The following UNC13B variants were observed in gnomAD, a reference collection of about 807,000 sequenced individuals.
UNC13B encodes unc-13 homolog B, also known as protein unc-13 homolog B.
UNC13B carries 144 observed loss-of-function variants against 211.0 expected under a neutral mutation model. The observed-to-expected ratio is 0.68, with a 90% CI of 0.60 to 0.78. UNC13B has a LOEUF of 0.78. UNC13B is among the 30% of genes least tolerant of loss of function. The pLI, the probability that UNC13B is intolerant of heterozygous loss-of-function variation, is 0.00. For synonymous variants in UNC13B, 709 were observed against 725.8 expected (o/e 0.98, Z 0.37); for missense variants, 1,777 against 2,002.0 (o/e 0.89, Z 2.14).
chr9:35,333,244 ATGAG>A (rs942366678), intron 11 of UNC13B, among the ~76,000 whole-genome samples: 5 of 152,182 alleles, frequency 3.3e-5, no homozygotes, highest in African/African-American at 1.2e-4. Context: ...CTCTTTGCAG[ATGAG>A]TGAGTGAGTG....
intron 26 of UNC13B, 43 bp downstream of exon 26, chr9:35,390,757 C>T (rs1454733176): frequency 1.3e-6 from 2 of 1,568,762 alleles, no homozygotes; most frequent in African/African-American, 2.7e-5. Flanking sequence ...GCTCCTAGCC[C>T]AAGCTCCTCG....
At position 35,307,217 on chromosome 9, in the gene UNC13B, C is replaced by T. The variant is rs117346386; in HGVS notation, c.7813C>T (p.Arg2605Cys). The T allele has an allele frequency of 2.4e-4, 96 of 398,888 alleles. No homozygotes were observed. Among genetic ancestry groups the T allele is most frequent in the Non-Finnish European group, 3.1e-4 (70 of 226,046 alleles). 24.7% of individuals were successfully genotyped at this position (398,888 alleles called of 1,614,324 possible). A position where few individuals can be genotyped will look rare whatever the true frequency, so the allele number is the denominator to read the frequency against. The change falls in exon 9 of 40, where the codon CGT becomes TGT. Residue 2605 changes from arginine (R) to cysteine (C), a missense_variant. Transcript: ENST00000635942. Reference protein sequence around the residue: ...NTPENILEPQRSETINTSSFS... With the variant: ...NTPENILEPQCSETINTSSFS... ...TCCTGAAAATATTCTGGAACCTCAA[C>T]GTTCTGAAACAATTAATACATCTTC...
chr9:35,274,362 C>T (rs1288943319), intron 7 of UNC13B, among the ~76,000 whole-genome samples: 1 of 152,160 alleles, frequency 6.6e-6, no homozygotes, highest in Non-Finnish European at 1.5e-5. Context: ...TGTGAGCCAC[C>T]ACACCCAGTC....
intron 6 of UNC13B, among the ~76,000 whole-genome samples, chr9:35,257,090 C>G (rs1158945592): frequency 6.6e-6 from 1 of 151,720 alleles, no homozygotes; most frequent in Non-Finnish European, 1.5e-5. Flanking sequence ...CTACAAAAAT[C>G]ATAATTATTT....
intron 10 of UNC13B, among the ~76,000 whole-genome samples, chr9:35,313,676 A>AT (rs59940482): frequency 2.7e-4 from 40 of 150,754 alleles, no homozygotes; most frequent in African/African-American, 4.1e-4. Context: ...AAATAAATAA[A>AT]AGAGGGAACA....
chr9:35,375,052 T>C, intron 13 of UNC13B, 75 bp from the exon 14 acceptor site: 1 of 1,490,662 alleles, frequency 6.7e-7, no homozygotes. Context: ...GTGGCTTTGG[T>C]CACTGAAGCT....
intron 11 of UNC13B, among the ~76,000 whole-genome samples, chr9:35,332,202 G>A (rs113202024): frequency 0.026 from 3,904 of 152,050 alleles, 173 homozygotes; most frequent in African/African-American, 0.087. Flanking sequence ...CACCCGCCTC[G>A]GCCTCCCAAA....
chr9:35,172,749 GA>G (rs375859043), intron 1 of UNC13B, among the ~76,000 whole-genome samples: 288 of 152,182 alleles, frequency 1.9e-3, no homozygotes, highest in African/African-American at 6.5e-3. Context: ...AGAATCAAAG[GA>G]AAAAGAATCA....
chr9:35,336,021 T>C (rs1046586079), intron 11 of UNC13B, among the ~76,000 whole-genome samples: 6 of 152,162 alleles, frequency 3.9e-5, no homozygotes, highest in African/African-American at 1.4e-4. Flanking sequence ...GATTTCTTCA[T>C]AGCATTTCTC....
intron 11 of UNC13B, among the ~76,000 whole-genome samples, chr9:35,346,892 C>G (rs959749040): frequency 2.0e-5 from 3 of 152,048 alleles, no homozygotes; most frequent in Admixed American, 1.3e-4. Context: ...CCTTTCCATT[C>G]CCAACCCCTG....
intron 7 of UNC13B, 113 bp from the exon 8 acceptor site, chr9:35,295,583 A>G (rs1013745806): frequency 2.1e-6 from 2 of 946,810 alleles, no homozygotes; most frequent in Non-Finnish European, 3.2e-6. Flanking sequence ...TGTGAAGCTC[A>G]GCTTGCTTTT....
chr9:35,201,746 C>CTAT (rs1823307008), intron 1 of UNC13B, among the ~76,000 whole-genome samples: 1 of 152,146 alleles, frequency 6.6e-6, no homozygotes, highest in Non-Finnish European at 1.5e-5. Context: ...ATTAGTCTTG[C>CTAT]TAGCGGTCTA....
intron 6 of UNC13B, among the ~76,000 whole-genome samples, chr9:35,250,637 G>A (rs893538158): frequency 6.6e-6 from 1 of 152,128 alleles, no homozygotes; most frequent in African/African-American, 2.4e-5. Flanking sequence ...TATACAAAAT[G>A]TTGTGTGGAC....
intron 1 of UNC13B, among the ~76,000 whole-genome samples, chr9:35,204,329 T>C (rs1216950203): frequency 1.3e-5 from 2 of 152,164 alleles, no homozygotes; most frequent in African/African-American, 4.8e-5. Context: ...AGAGGGGAAA[T>C]GTGGGGTGGG....
chr9:35,200,084 T>C (rs1014925432), intron 1 of UNC13B, among the ~76,000 whole-genome samples: 2 of 152,212 alleles, frequency 1.3e-5, no homozygotes, highest in East Asian at 3.8e-4. Flanking sequence ...CCAGCACCAT[T>C]TATTAAATAG....
At chr9:35,254,086 A>G (rs1324653528) in intron 6 of UNC13B, among the ~76,000 whole-genome samples, 1 of 152,176 alleles carries the variant, frequency 6.6e-6, no homozygotes, top group East Asian at 1.9e-4. Context: ...ACCATGCACT[A>G]TTCTGTGTTT....
chr9:35,295,902 C>T lies in UNC13B; in HGVS notation c.733C>T (p.Leu245Phe), dbSNP rs1587560874. 6.2e-7 allele frequency: 1 copy of T among 1,613,392 alleles called. No homozygotes were observed. The highest frequency in any genetic ancestry group is 8.5e-7 in the Non-Finnish European group (1 of 1,179,702). The change falls in exon 8 of 40, where the codon CTT becomes TTT. Residue 245 changes from leucine (L) to phenylalanine (F), a missense_variant. Leu to Phe is a conservative substitution (Grantham distance 22). Coordinates refer to ENST00000635942, the MANE Select transcript of UNC13B (RefSeq NM_001371189.2). ...TAATGACTCTATGCAAAGTTATGAC[C>T]TTGATTATCCAGAGCGGCGGGCTAT... ...SCNDSMQSYD[L>F]DYPERRAIRY... is the part of the protein sequence containing the mutation.
intron 6 of UNC13B, among the ~76,000 whole-genome samples, chr9:35,253,030 A>C (rs895260390): frequency 7.9e-5 from 12 of 152,180 alleles, no homozygotes; most frequent in African/African-American, 2.9e-4. Flanking sequence ...AGAATAATGA[A>C]CTGTTGCCTC....
chr9:35,397,446 CT>C, intron 29 of UNC13B, 136 bp downstream of exon 29: 1 of 1,420,462 alleles, frequency 7.0e-7, no homozygotes, highest in Non-Finnish European at 9.6e-7. Context: ...TTGCTGGTTT[CT>C]GGGGCAGACA....
Sources: gnomAD v4.1 joint callset for allele counts (sites outside exome capture counted in the v4.1 genomes callset) on GRCh38, gnomAD v4.1.1 for gene constraint, MANE v1.5 for transcripts, NCBI Gene and HGNC (gene_info 2026-07-23, HGNC 2026-07-21) for gene names.